The following UGT1A6 variants were observed in gnomAD, a reference collection of about 807,000 sequenced individuals.
UGT1A6 encodes the protein UDP glucuronosyltransferase family 1 member A6.
Under a neutral mutation model 44.4 loss-of-function variants are expected in UGT1A6, and 32 were observed. The ratio of observed to expected loss-of-function variants is 0.72; its 90% confidence interval spans 0.54 to 0.97. The LOEUF is 0.97. Ranked by LOEUF, UGT1A6 falls within the 50% of genes least tolerant of loss-of-function variation. UGT1A6 has a pLI of 0.00. For missense variants in UGT1A6, 685 were observed against 661.9 expected (o/e 1.03, Z -0.38); for synonymous variants, 238 against 248.5 (o/e 0.96, Z 0.40).
At chr2:233,765,919 C>T (rs1268265280) in intron 1 of UGT1A6, among the ~76,000 whole-genome samples, 1 of 152,104 alleles carries the variant, frequency 6.6e-6, no homozygotes, top group Non-Finnish European at 1.5e-5. Flanking sequence ...GGGGAGCATA[C>T]AGACGGGCAG....
upstream of UGT1A6, chr2:233,692,803 T>G: frequency 3.6e-6 from 5 of 1,389,766 alleles, no homozygotes; most frequent in East Asian, 5.5e-5. Flanking sequence ...GACACGGCCA[T>G]AGTTGGTTCA....
chr2:233,744,031 A>G, intron 1 of UGT1A6: 1 of 839,512 alleles, frequency 1.2e-6, no homozygotes. Flanking sequence ...GACGCCCCTT[A>G]TGACGCAGCC....
chr2:233,729,862 G>T lies in UGT1A6; in HGVS notation c.861+35997G>T, dbSNP rs146461519. On this transcript the variant is annotated intron_variant, in intron 1 of 4. Transcript: ENST00000305139. Reference sequence around the variant, plus strand: ...GCTTTTTCAGAGAGAGGTGTCAGTGGTGGATATTCTCAGTCATGCATCTGT... The same window carrying T: ...GCTTTTTCAGAGAGAGGTGTCAGTGTTGGATATTCTCAGTCATGCATCTGT... 816 of 1,613,860 alleles carry T rather than the reference G, an allele frequency of 5.1e-4. 3 individuals are homozygous for T. In the Middle Eastern group the frequency reaches 7.4e-3, roughly 15 times the overall value.
intron 1 of UGT1A6, among the ~76,000 whole-genome samples, chr2:233,725,072 A>T (rs1214982846): frequency 6.9e-6 from 1 of 144,958 alleles, no homozygotes; most frequent in African/African-American, 2.6e-5. Flanking sequence ...CTGCAATCGC[A>T]GGCACTCGGC....
intron 1 of UGT1A6, among the ~76,000 whole-genome samples, chr2:233,701,820 G>C (rs1478449755): frequency 2.6e-5 from 4 of 152,146 alleles, no homozygotes; most frequent in African/African-American, 4.8e-5. Context: ...CAACATACCA[G>C]AATCTCTGGG....
chr2:233,759,159 A>G (rs1697070842), intron 1 of UGT1A6, among the ~76,000 whole-genome samples: 1 of 152,222 alleles, frequency 6.6e-6, no homozygotes, highest in Admixed American at 6.5e-5. Context: ...CACAGAACAC[A>G]AGGCAGGCAG....
chr2:233,752,000 T>A (rs1694866049), intron 1 of UGT1A6, among the ~76,000 whole-genome samples: 1 of 152,106 alleles, frequency 6.6e-6, no homozygotes, highest in African/African-American at 2.4e-5. Context: ...TTGAGAAAGT[T>A]GATGAGAAAG....
intron 1 of UGT1A6, among the ~76,000 whole-genome samples, chr2:233,753,816 G>A (rs1559398295): frequency 6.6e-6 from 1 of 152,164 alleles, no homozygotes; most frequent in Non-Finnish European, 1.5e-5. Flanking sequence ...GGAGAACCAC[G>A]TTAGGGCTGA....
chr2:233,760,473 T>TGAC, intron 1 of UGT1A6: 1 of 1,614,230 alleles, frequency 6.2e-7, no homozygotes, highest in Non-Finnish European at 8.5e-7. Context: ...TCCTAGCACC[T>TGAC]GACGCCTCGT....
chr2:233,752,978 A>G (rs961719654), intron 1 of UGT1A6, among the ~76,000 whole-genome samples: 31 of 152,180 alleles, frequency 2.0e-4, no homozygotes, highest in Middle Eastern at 3.2e-3. Flanking sequence ...AATTGTGTAG[A>G]TACAAACCCA....
intron 4 of UGT1A6, chr2:233,770,921 G>C (rs759022692): frequency 6.6e-6 from 1 of 152,192 alleles, no homozygotes; most frequent in Non-Finnish European, 1.5e-5. Context: ...GCTTAGTGCT[G>C]ACATCACTTG....
intron 1 of UGT1A6, chr2:233,729,871 C>T: frequency 6.2e-7 from 1 of 1,613,870 alleles, no homozygotes; most frequent in Non-Finnish European, 8.5e-7. Flanking sequence ...GGTGGATATT[C>T]TCAGTCATGC....
chr2:233,729,869 T>C (rs1226699407), intron 1 of UGT1A6: 4 of 1,613,726 alleles, frequency 2.5e-6, no homozygotes, highest in East Asian at 4.5e-5. Context: ...GTGGTGGATA[T>C]TCTCAGTCAT....
chr2:233,751,386 C>G (rs1694713563), intron 1 of UGT1A6, among the ~76,000 whole-genome samples: 1 of 152,086 alleles, frequency 6.6e-6, no homozygotes, highest in African/African-American at 2.4e-5. Flanking sequence ...TGCCTTGTCT[C>G]AGATAAGACT....
intron 1 of UGT1A6, chr2:233,754,583 T>A (rs1211544533): frequency 2.3e-6 from 1 of 426,868 alleles, no homozygotes; most frequent in East Asian, 7.0e-5. Context: ...ATGCCGTTTA[T>A]TATGAAGGAC....
intron 1 of UGT1A6, among the ~76,000 whole-genome samples, chr2:233,750,424 A>T (rs1378744629): frequency 2.6e-5 from 4 of 151,872 alleles, no homozygotes; most frequent in Non-Finnish European, 5.9e-5. Context: ...GAAAAGAAAA[A>T]CCCATTTTAT....
chr2:233,743,424 A>G, intron 1 of UGT1A6: 2 of 1,346,302 alleles, frequency 1.5e-6, no homozygotes, highest in South Asian at 2.3e-5. Context: ...CCAGGGAGCC[A>G]AAGGAACGAA....
At chr2:233,699,519 C>T (rs868288964) in intron 1 of UGT1A6, among the ~76,000 whole-genome samples, 4 of 152,156 alleles carry the variant, frequency 2.6e-5, no homozygotes, top group East Asian at 1.9e-4. Flanking sequence ...TCAAGCCTTC[C>T]GAAGGACAGG....
At chr2:233,745,938 G>A (rs1693254361) in intron 1 of UGT1A6, among the ~76,000 whole-genome samples, 1 of 151,696 alleles carries the variant, frequency 6.6e-6, no homozygotes, top group East Asian at 1.9e-4. Flanking sequence ...GGGACAGCTG[G>A]GGGTTGGGCA....
Sources: gnomAD v4.1 joint callset for allele counts (sites outside exome capture counted in the v4.1 genomes callset) on GRCh38, gnomAD v4.1.1 for gene constraint, MANE v1.5 for transcripts, NCBI Gene and HGNC (gene_info 2026-07-23, HGNC 2026-07-21) for gene names.